The following MAP3K21 variants were observed in gnomAD, a reference collection of about 807,000 sequenced individuals.
The protein encoded by MAP3K21 is mitogen-activated protein kinase kinase kinase MLK4.
MAP3K21 carries 63 observed loss-of-function variants against 86.1 expected under a neutral mutation model. That is an observed-to-expected ratio of 0.73 (90% CI 0.60 to 0.90). The LOEUF is 0.90. Among genes scored for constraint, MAP3K21 ranks in the 40% least tolerant of loss-of-function variants. MAP3K21 has a pLI of 0.00. For synonymous variants in MAP3K21, 558 were observed against 564.8 expected (o/e 0.99, Z 0.17); for missense variants, 1,220 against 1,367.7 (o/e 0.89, Z 1.70).
intron 5 of MAP3K21, among the ~76,000 whole-genome samples, chr1:233,363,279 AGTTTT>A (rs1400563319): frequency 1.3e-5 from 2 of 152,222 alleles, no homozygotes; most frequent in African/African-American, 4.8e-5. Flanking sequence ...CAACAGTGAC[AGTTTT>A]GTTTTATGTC....
At chr1:233,350,866 AAGAGAAC>A (rs1663238542) in intron 2 of MAP3K21, among the ~76,000 whole-genome samples, 1 of 152,172 alleles carries the variant, frequency 6.6e-6, no homozygotes, top group Admixed American at 6.5e-5. Context: ...TACCTGGTTT[AAGAGAAC>A]AGAAAAATGT....
chr1:233,354,905 A>G lies in MAP3K21; in HGVS notation c.1205A>G (p.Glu402Gly). The G allele has an allele frequency of 6.2e-7, 1 of 1,613,738 alleles. No individual in the cohort carries two copies. Among genetic ancestry groups the G allele is most frequent in the Non-Finnish European group, 8.5e-7 (1 of 1,179,638 alleles). The change falls in exon 4 of 10, where the codon GAA (glutamate) becomes GGA (glycine). Residue 402 changes from glutamate (E) to glycine (G), a missense_variant. Glu to Gly is a moderately conservative substitution (Grantham distance 98). Coordinates refer to ENST00000366624, the MANE Select transcript of MAP3K21 (RefSeq NM_032435.3). ...ALILEQLTAI[E>G]GAVMTEMPQE... ...ATTCTCGAACAGTTGACTGCTATTG[A>G]AGGGGCAGTGATGACTGAGATGCCT...
Position 233,339,368 on chromosome 1 carries a change from CCTTCTCCTT to C in MAP3K21, c.806-7056_806-7048del, listed in dbSNP as rs1458503476. On this transcript the variant is annotated intron_variant, in intron 1 of 9. Transcript: ENST00000366624. ...CTCTTCTCCCTCTTCTCCTTCTCCT[CCTTCTCCTT>C]CTTCTCCTTCTTCTCCTCCTTCTCC... 6.5e-5 allele frequency among the ~76,000 whole-genome samples: 4 copies of C among 61,136 alleles called. 1 individual carries two copies. The highest frequency in any genetic ancestry group is 1.2e-4 in the Non-Finnish European group (4 of 33,474). 40.1% of individuals were successfully genotyped at this position (61,136 alleles called of 152,430 possible). A position where few individuals can be genotyped will look rare whatever the true frequency, so the allele number is the denominator to read the frequency against.
At chr1:233,330,966 C>G (rs545408019) in intron 1 of MAP3K21, among the ~76,000 whole-genome samples, 29 of 152,018 alleles carry the variant, frequency 1.9e-4, no homozygotes, top group Non-Finnish European at 3.4e-4. Context: ...GTTTTATAAA[C>G]TTTTATAAAA....
At position 233,346,500 on chromosome 1, in the gene MAP3K21, A is replaced by C; in HGVS notation, c.864A>C (p.Thr288=). ...TCTGCAATAAAACTTTGAAGATTAC[A>C]GATTTTGGGTTGGCGAGGGAATGGC... ...DDICNKTLKI[T]DFGLAREWHR... Residue 288 remains threonine (T), a synonymous_variant, in exon 2 of 10, where the codon ACA becomes ACC. Coordinates refer to ENST00000366624, the MANE Select transcript of MAP3K21 (RefSeq NM_032435.3). 1 of 1,613,906 alleles carries C rather than the reference A, an allele frequency of 6.2e-7. No individual in the cohort carries two copies. The highest frequency in any genetic ancestry group is 8.5e-7 in the Non-Finnish European group (1 of 1,179,808).
chr1:233,363,822 C>T (rs1663514684), intron 5 of MAP3K21, among the ~76,000 whole-genome samples: 1 of 145,302 alleles, frequency 6.9e-6, no homozygotes, highest in Admixed American at 7.1e-5. Context: ...GACTGGGCAA[C>T]ATGATGAAAC....
chr1:233,366,548 C>T (rs761353686), intron 5 of MAP3K21, among the ~76,000 whole-genome samples: 15 of 152,234 alleles, frequency 9.9e-5, no homozygotes, highest in Middle Eastern at 6.8e-3. Flanking sequence ...CAGGGAGAAA[C>T]GTGATAAGTG....
At chr1:233,365,901 G>T (rs60014476) in intron 5 of MAP3K21, among the ~76,000 whole-genome samples, 1 of 152,162 alleles carries the variant, frequency 6.6e-6, no homozygotes, top group Non-Finnish European at 1.5e-5. Flanking sequence ...CCATGTTTAT[G>T]GCAACACTAT....
chr1:233,328,520 T>C lies in MAP3K21; in HGVS notation c.492T>C (p.Ala164=). 1 of 1,528,936 alleles carries C rather than the reference T, an allele frequency of 6.5e-7. No homozygotes were observed. Among genetic ancestry groups the C allele is most frequent in the South Asian group, 1.2e-5 (1 of 83,114 alleles). 94.7% of individuals were successfully genotyped at this position (1,528,936 alleles called of 1,614,324 possible). A position where few individuals can be genotyped will look rare whatever the true frequency, so the allele number is the denominator to read the frequency against. ...ACCCGGAGCAGGACGCGGCGGCGGC[T>C]GCCGAGAGCGTGCGGCGCGAGGCTC... ...RQDPEQDAAA[A]AESVRREARL... The change falls in exon 1 of 10, where the codon GCT becomes GCC. Residue 164 remains alanine, a synonymous_variant. Coordinates refer to ENST00000366624, the MANE Select transcript of MAP3K21 (RefSeq NM_032435.3). This position sits in a 1 kb window ranked among gnomAD's most constrained non-coding sequence, Gnocchi z 8.7.
chr1:233,371,446 C>T (rs904645194), intron 5 of MAP3K21, among the ~76,000 whole-genome samples: 2 of 152,170 alleles, frequency 1.3e-5, no homozygotes, highest in South Asian at 2.1e-4. Flanking sequence ...CTGTACCCTC[C>T]ACCTCCCAGG....
At chr1:233,357,923 C>G (rs1663394439) in intron 4 of MAP3K21, among the ~76,000 whole-genome samples, 1 of 152,182 alleles carries the variant, frequency 6.6e-6, no homozygotes, top group Non-Finnish European at 1.5e-5. Context: ...GGGTGACTGC[C>G]TGTTTCCTTC....
chr1:233,368,340 C>T (rs1472528482), intron 5 of MAP3K21, among the ~76,000 whole-genome samples: 1 of 152,142 alleles, frequency 6.6e-6, no homozygotes, highest in Non-Finnish European at 1.5e-5. Flanking sequence ...CTGCTCTGCC[C>T]TGGTCAAGTC....
In MAP3K21 at chr1:233,372,087, G is replaced by A; in HGVS notation, c.1602G>A (p.Arg534=). 1 of 1,614,094 alleles carries A rather than the reference G, an allele frequency of 6.2e-7. No individual in the cohort carries two copies. The highest frequency in any genetic ancestry group is 8.5e-7 in the Non-Finnish European group (1 of 1,179,986). ...TVQASPNLDK[R]RSLNSSSSSP... is the part of the protein sequence containing the mutation. ...AGGCCTCTCCCAACTTGGACAAACG[G>A]CGGAGCCTGAACAGCAGCAGTTCCA... The change falls in exon 6 of 10, where the codon CGG becomes CGA. Residue 534 remains arginine (R), a synonymous_variant. Transcript: ENST00000366624.
rs71793740 is a variant in MAP3K21, at chr1:233,363,851, C to CAAAAA, written c.1552+1567_1552+1571dup. ...ATGAAACCTTGTCTCTACTAAAATACAAAAAAAAAAAAATTAGCTGGGCAC... is the reference window on the plus strand; with the variant it reads ...ATGAAACCTTGTCTCTACTAAAATACAAAAAAAAAAAAAAAAAATTAGCTGGGCAC... On this transcript the variant is annotated intron_variant, in intron 5 of 9. Coordinates refer to ENST00000366624, the MANE Select transcript of MAP3K21 (RefSeq NM_032435.3). 1.2e-3 allele frequency among the ~76,000 whole-genome samples: 154 copies of CAAAAA among 128,762 alleles called. 2 individuals are homozygous for CAAAAA. Among genetic ancestry groups the CAAAAA allele is most frequent in the African/African-American group, 4.0e-3 (142 of 35,174 alleles). 84.5% of individuals were successfully genotyped at this position (128,762 alleles called of 152,430 possible).
intron 1 of MAP3K21, among the ~76,000 whole-genome samples, chr1:233,336,219 A>G (rs1662908089): frequency 6.6e-6 from 1 of 152,164 alleles, no homozygotes; most frequent in African/African-American, 2.4e-5. Context: ...GAATATATAG[A>G]ACTGACATAG....
chr1:233,354,716 T>G (rs973212972), intron 3 of MAP3K21, 120 bp from the exon 4 acceptor site: 7 of 807,546 alleles, frequency 8.7e-6, no homozygotes, highest in Non-Finnish European at 8.3e-6. Flanking sequence ...ATACTATAAA[T>G]GGAAGCTTCC....
chr1:233,359,469 G>A (rs1001017358), intron 4 of MAP3K21, among the ~76,000 whole-genome samples: 3 of 152,080 alleles, frequency 2.0e-5, no homozygotes, highest in Admixed American at 6.6e-5. Flanking sequence ...CATAGTGTAC[G>A]TGCCCTATCT....
chr1:233,372,094 C>T lies in MAP3K21; in HGVS notation c.1609C>T (p.Leu537=). Residue 537 remains leucine (L), a synonymous_variant, in exon 6 of 10, where the codon CTG becomes TTG. Transcript: ENST00000366624. ...TCCCAACTTGGACAAACGGCGGAGC[C>T]TGAACAGCAGCAGTTCCAGTCCCCC... ...ASPNLDKRRS[L]NSSSSSPPSS... 1 of 1,614,182 alleles carries T rather than the reference C, an allele frequency of 6.2e-7. No homozygotes were observed. The highest frequency in any genetic ancestry group is 8.5e-7 in the Non-Finnish European group (1 of 1,180,010).
intron 1 of MAP3K21, among the ~76,000 whole-genome samples, chr1:233,337,957 T>C (rs569291299): frequency 1.3e-5 from 2 of 152,350 alleles, no homozygotes; most frequent in African/African-American, 4.8e-5. Flanking sequence ...TCAGATTTTC[T>C]GCAAATAATG....
Sources: gnomAD v4.1 joint callset for allele counts (sites outside exome capture counted in the v4.1 genomes callset) on GRCh38, gnomAD v4.1.1 for gene constraint, Gnocchi (gnomAD v3.1) non-coding constraint, MANE v1.5 for transcripts, NCBI Gene and HGNC (gene_info 2026-07-23, HGNC 2026-07-21) for gene names.